The following HTRA4 variants were observed in gnomAD, a reference collection of about 807,000 sequenced individuals.
The protein encoded by HTRA4 is serine protease HTRA4.
In HTRA4, 46 loss-of-function variants were observed where a neutral mutation model predicts 49.1. The ratio of observed to expected loss-of-function variants is 0.94; its 90% CI spans 0.74 to 1.20. HTRA4 has a LOEUF of 1.20. HTRA4 is among the 50% of genes most tolerant of loss of function. The probability of loss-of-function intolerance (pLI) is 0.00; values close to 1 mark genes in which losing one functional copy is unlikely to be tolerated. For missense variants in HTRA4, 602 were observed against 636.9 expected, an observed-to-expected ratio of 0.95 and a Z score of 0.59; for synonymous variants, 261 against 264.0, an observed-to-expected ratio of 0.99 and a Z score of 0.11.
chr8:38,975,809 G>A (rs1031341102), intron 2 of HTRA4, among the ~76,000 whole-genome samples: 6 of 152,294 alleles, frequency 3.9e-5, no homozygotes, highest in African/African-American at 9.6e-5. Flanking sequence ...ACTATGTTAC[G>A]AGGCCAGTTG....
intron 4 of HTRA4, 37 bp downstream of exon 4, chr8:38,978,184 C>T (rs369692571): frequency 1.7e-5 from 26 of 1,567,522 alleles, no homozygotes; most frequent in Admixed American, 1.4e-4. Flanking sequence ...AACCCATGGG[C>T]TGTGGACCAG....
chr8:38,976,826 A>G (rs1207813128), intron 3 of HTRA4, 87 bp downstream of exon 3: 1 of 1,226,116 alleles, frequency 8.2e-7, no homozygotes, highest in Non-Finnish European at 1.2e-6. Context: ...ACACTCTCAC[A>G]CCACATCTTT....
chr8:38,977,943 G>T lies in HTRA4; in HGVS notation c.772-10G>T. On this transcript the variant is annotated splice_polypyrimidine_tract_variant and intron_variant, in intron 3 of 8. Coordinates refer to ENST00000302495, the MANE Select transcript of HTRA4 (RefSeq NM_153692.4). ...TTCTGTCCTCCCCATCCCTTTTTGG[G>T]CACGTGCAGGCTGAACTTCCTGTAC... The T allele has an allele frequency of 1.2e-6, 2 of 1,611,466 alleles. No homozygotes were observed. The highest frequency in any genetic ancestry group is 1.7e-5 in the Admixed American group (1 of 59,358).
Position 38,981,722 on chromosome 8 carries a change from C to A in HTRA4, c.1069C>A (p.Arg357=), listed in dbSNP as rs200544083. The change falls in exon 6 of 9, where the codon CGA becomes AGA. Residue 357 remains arginine, a synonymous_variant. Coordinates refer to ENST00000302495, the MANE Select transcript of HTRA4 (RefSeq NM_153692.4). The part of the protein sequence containing the change: ...DGISFAIPSD[R]VRQFLAEYHE... Reference sequence around the variant, plus strand: ...AATCTCCTTTGCAATTCCTTCAGATCGAGTTAGGCAGTTCTTGGCAGAATA... The same window carrying A: ...AATCTCCTTTGCAATTCCTTCAGATAGAGTTAGGCAGTTCTTGGCAGAATA... 4.3e-6 allele frequency: 7 copies of A among 1,612,906 alleles called. No individual in the cohort carries two copies. Among genetic ancestry groups the A allele is most frequent in the Non-Finnish European group, 5.9e-6 (7 of 1,179,864 alleles).
intron 5 of HTRA4, among the ~76,000 whole-genome samples, chr8:38,980,388 T>C (rs759487115): frequency 2.6e-5 from 4 of 152,044 alleles, no homozygotes; most frequent in African/African-American, 9.7e-5. Flanking sequence ...TTTCAGGCCA[T>C]ACCCCCGACC....
chr8:38,983,057 A>C lies in HTRA4; in HGVS notation c.1268+9A>C. On this transcript the variant is annotated intron_variant, in intron 8 of 8. Transcript: ENST00000302495. ...GGAACAGCTGCTCAAAGGTAAGAGA[A>C]GTGAAGGCCTTTGTCATCTACCTTT... 1 of 1,584,384 alleles carries C rather than the reference A, an allele frequency of 6.3e-7. No homozygotes were observed. Among genetic ancestry groups the C allele is most frequent in the Non-Finnish European group, 8.7e-7 (1 of 1,154,652 alleles).
intron 5 of HTRA4, among the ~76,000 whole-genome samples, chr8:38,981,080 T>TTG (rs1564179054): frequency 2.1e-4 from 27 of 129,132 alleles, no homozygotes; most frequent in Middle Eastern, 3.7e-3. Context: ...TTTTTTTTTT[T>TTG]TTTTTTTTTT....
intron 5 of HTRA4, among the ~76,000 whole-genome samples, chr8:38,981,240 C>G (rs893124791): frequency 6.7e-6 from 1 of 150,122 alleles, no homozygotes; most frequent in Non-Finnish European, 1.5e-5. Context: ...CCACCAGGCC[C>G]GGCTAATTTT....
chr8:38,983,560 T>C (rs994877086), intron 8 of HTRA4, among the ~76,000 whole-genome samples: 4 of 151,946 alleles, frequency 2.6e-5, no homozygotes, highest in African/African-American at 7.3e-5. Flanking sequence ...TAGTAGTATA[T>C]TGGGGGGGTG....
At chr8:38,985,990 T>C (rs1198762850) in intron 8 of HTRA4, among the ~76,000 whole-genome samples, 1 of 152,136 alleles carries the variant, frequency 6.6e-6, no homozygotes, top group Non-Finnish European at 1.5e-5. Context: ...CTGAGCAACA[T>C]AGTTTCTAAA....
At chr8:38,981,564 C>CT in intron 5 of HTRA4, 89 bp from the exon 6 acceptor site, 1 of 851,036 alleles carries the variant, frequency 1.2e-6, no homozygotes, top group South Asian at 1.5e-5. Flanking sequence ...CCCTAAGTAA[C>CT]TAGCTTCACT....
At chr8:38,983,682 TATTAA>T (rs1835452182) in intron 8 of HTRA4, among the ~76,000 whole-genome samples, 1 of 151,902 alleles carries the variant, frequency 6.6e-6, no homozygotes, top group African/African-American at 2.4e-5. Context: ...TAAGATATAT[TATTAA>T]ATTAAATTCA....
In HTRA4 at chr8:38,988,195, G is replaced by T; in HGVS notation, c.*97G>T. ...GTGCCAAACATGGCAAGAAGTTTTT[G>T]GATCTTTTTCTTACAAAGAAAAATG... is the stretch of plus-strand genomic sequence containing the variant. On this transcript the variant is annotated 3_prime_UTR_variant, in exon 9 of 9. Coordinates refer to ENST00000302495, the MANE Select transcript of HTRA4 (RefSeq NM_153692.4). 1 of 1,186,122 alleles carries T rather than the reference G, an allele frequency of 8.4e-7. No homozygotes were observed. The highest frequency in any genetic ancestry group is 1.1e-6 in the Non-Finnish European group (1 of 878,558). 73.5% of individuals were successfully genotyped at this position (1,186,122 alleles called of 1,614,324 possible).
chr8:38,977,067 C>G (rs1179133261), intron 3 of HTRA4, among the ~76,000 whole-genome samples: 1 of 149,114 alleles, frequency 6.7e-6, no homozygotes, highest in Non-Finnish European at 1.5e-5. Context: ...TCCTGAGTAC[C>G]TGGGATTACA....
chr8:38,985,621 C>A (rs1444241245), intron 8 of HTRA4, among the ~76,000 whole-genome samples: 1 of 152,148 alleles, frequency 6.6e-6, no homozygotes, highest in Non-Finnish European at 1.5e-5. Flanking sequence ...TTTGGCTTGT[C>A]CCTGGTTTCT....
Position 38,988,125 on chromosome 8 carries a change from T to TAAAAAAA in HTRA4, c.*34_*40dup. The TAAAAAAA allele has an allele frequency of 5.2e-6, 7 of 1,334,522 alleles. No homozygotes were observed. In the South Asian group the frequency reaches 6.0e-5, roughly 12 times the overall value. 82.7% of individuals were successfully genotyped at this position (1,334,522 alleles called of 1,614,324 possible). A position where few individuals can be genotyped will look rare whatever the true frequency, so the allele number is the denominator to read the frequency against. Reference sequence around the variant, plus strand: ...TATCTTGTTTTAAAGTGGGATTATCTAAAAAAAAAAAAACCAGTTATATCA... The same window carrying TAAAAAAA: ...TATCTTGTTTTAAAGTGGGATTATCTAAAAAAAAAAAAAAAAAAAACCAGTTATATCA... On this transcript the variant is annotated 3_prime_UTR_variant, in exon 9 of 9. Transcript: ENST00000302495.
chr8:38,976,921 C>A (rs1835358330), intron 3 of HTRA4, among the ~76,000 whole-genome samples, 182 bp downstream of exon 3: 1 of 151,992 alleles, frequency 6.6e-6, no homozygotes, highest in South Asian at 2.1e-4. Flanking sequence ...TTCTGTATAT[C>A]CCTAACCGTT....
chr8:38,977,264 G>T, intron 3 of HTRA4, among the ~76,000 whole-genome samples: 1 of 130,340 alleles, frequency 7.7e-6, no homozygotes, highest in African/African-American at 2.8e-5. Context: ...CTATCAAGCA[G>T]TCTTTTTTTT....
At position 38,975,097 on chromosome 8, in the gene HTRA4, C is replaced by T; in HGVS notation, c.533C>T (p.Ala178Val). 6.8e-6 allele frequency: 11 copies of T among 1,613,792 alleles called. No individual in the cohort carries two copies. Among genetic ancestry groups the T allele is most frequent in the Non-Finnish European group, 9.3e-6 (11 of 1,180,016 alleles). The part of the protein sequence containing the change: ...NFIAAVVEKV[A>V]PSVVHVQLWG... ...ATCGCCGCGGTGGTGGAGAAGGTGG[C>T]GCCATCGGTGGTTCACGTGCAGCTG... is the stretch of plus-strand genomic sequence containing the variant. The change falls in exon 2 of 9, where the codon GCG (alanine) becomes GTG (valine). Residue 178 changes from alanine to valine, a missense_variant. Ala to Val is a moderately conservative substitution (Grantham distance 64). Coordinates refer to ENST00000302495, the MANE Select transcript of HTRA4 (RefSeq NM_153692.4).
Sources: gnomAD v4.1 joint callset for allele counts (sites outside exome capture counted in the v4.1 genomes callset) on GRCh38, gnomAD v4.1.1 for gene constraint, MANE v1.5 for transcripts, NCBI Gene and HGNC (gene_info 2026-07-23, HGNC 2026-07-21) for gene names.